Variants in STRN3 observed in about 807,000 individuals in gnomAD.
STRN3 encodes the protein striatin-3.
STRN3 carries 29 observed loss-of-function variants against 95.6 expected under a neutral mutation model. The ratio of observed to expected loss-of-function variants is 0.30; its 90% CI spans 0.23 to 0.41. STRN3 has a LOEUF of 0.41. Among genes scored for constraint, STRN3 ranks in the 10% least tolerant of loss-of-function variants. The pLI is 1.00. For missense variants in STRN3, 890 were observed against 972.1 expected (o/e 0.92, Z 1.12); for synonymous variants, 331 against 357.6 (o/e 0.93, Z 0.84).
At chr14:31,020,196 C>A (rs1883438697) in intron 1 of STRN3, among the ~76,000 whole-genome samples, 3 of 152,118 alleles carry the variant, frequency 2.0e-5, no homozygotes, top group Admixed American at 1.3e-4. Context: ...ATAATGTCAA[C>A]CATATAGAAA....
At position 30,894,896 on chromosome 14, in the gene STRN3, T is replaced by C; in HGVS notation, c.*515A>G. 1 of 1,008,284 alleles carries C rather than the reference T, an allele frequency of 9.9e-7. No individual in the cohort carries two copies. Among genetic ancestry groups the C allele is most frequent in the Non-Finnish European group, 1.3e-6 (1 of 780,302 alleles). The allele number at this position is 1,008,284 out of a possible 1,614,324, so 62.5% of individuals were successfully genotyped here. A position where few individuals can be genotyped will look rare whatever the true frequency, so the allele number is the denominator to read the frequency against. On this transcript the variant is annotated 3_prime_UTR_variant, in exon 18 of 18. Coordinates refer to ENST00000357479, the MANE Select transcript of STRN3 (RefSeq NM_001083893.2). ...TTTTAAGTTAAATTTTCTTTTTCTT[T>C]TTTTTTTTTTTTAAAGCAAAATAAG...
chr14:30,963,317 C>T (rs1880306357), intron 1 of STRN3, among the ~76,000 whole-genome samples: 1 of 152,200 alleles, frequency 6.6e-6, no homozygotes, highest in South Asian at 2.1e-4. Flanking sequence ...ATATGCAGAA[C>T]ACTTTACCCA....
rs145730834 is a variant in STRN3 at position 30,968,889 on chromosome 14, G to A, written c.283-12647C>T. ...TGTAAGGAAAGTAAAATATACTTCT[G>A]GTAAAAAGACTATAAGGAGGCATAA... On this transcript the variant is annotated intron_variant, in intron 1 of 17. Coordinates refer to ENST00000357479, the MANE Select transcript of STRN3 (RefSeq NM_001083893.2). Among the ~76,000 whole-genome samples, 1,440 of 151,992 alleles carry A rather than the reference G, an allele frequency of 9.5e-3. 27 individuals carry two copies. Among genetic ancestry groups the A allele is most frequent in the African/African-American group, 0.031 (1,302 of 41,434 alleles).
At chr14:30,970,805 C>T (rs993732839) in intron 1 of STRN3, among the ~76,000 whole-genome samples, 3 of 152,208 alleles carry the variant, frequency 2.0e-5, no homozygotes, top group African/African-American at 7.2e-5. Flanking sequence ...TGGAATGGAT[C>T]AAATATTCCA....
intron 6 of STRN3, 49 bp from the exon 7 acceptor site, chr14:30,935,353 G>C (rs1011233220): frequency 3.8e-6 from 6 of 1,581,926 alleles, no homozygotes; most frequent in Non-Finnish European, 5.2e-6. Context: ...AAATGGAAAA[G>C]GGATGCTTTA....
chr14:30,976,265 T>A (rs908112739), intron 1 of STRN3, among the ~76,000 whole-genome samples: 1 of 152,206 alleles, frequency 6.6e-6, no homozygotes. Context: ...TGGGAATAGT[T>A]ACATTAAGTT....
intron 1 of STRN3, among the ~76,000 whole-genome samples, chr14:31,005,555 C>T (rs1882675545): frequency 6.6e-6 from 1 of 152,164 alleles, no homozygotes; most frequent in Non-Finnish European, 1.5e-5. Context: ...TTTCCTTTGG[C>T]ATAGTGAATT....
At chr14:30,956,049 C>CA (rs1489194320) in intron 2 of STRN3, 90 bp downstream of exon 2, 26 of 1,118,274 alleles carry the variant, frequency 2.3e-5, no homozygotes, top group African/African-American at 1.2e-4. Context: ...TTGTACCTTT[C>CA]AAAAAAAGCT....
rs573095076 is a variant in STRN3 at position 31,026,349 on chromosome 14, G to C, written c.-164C>G. Reference sequence around the variant, plus strand: ...CCGTGGGTCAGAGCAGGGAGCTGCCGGCTGCCGCCATTACAATCCCTCCTC... The same window carrying C: ...CCGTGGGTCAGAGCAGGGAGCTGCCCGCTGCCGCCATTACAATCCCTCCTC... On this transcript the variant is annotated 5_prime_UTR_variant, in exon 1 of 18. Transcript: ENST00000357479. The C allele has an allele frequency of 5.5e-5, 35 of 633,624 alleles. 1 individual carries two copies. In the South Asian group the frequency reaches 1.3e-3, roughly 23 times the overall value. The allele number at this position is 633,624 out of a possible 1,614,324, so 39.3% of individuals were successfully genotyped here.
At chr14:30,946,283 C>T (rs1454052050) in intron 5 of STRN3, among the ~76,000 whole-genome samples, 1 of 152,162 alleles carries the variant, frequency 6.6e-6, no homozygotes, top group Non-Finnish European at 1.5e-5. Context: ...TGGCTCATGC[C>T]TGTAATCCCA....
At chr14:31,024,352 T>A (rs112518505) in intron 1 of STRN3, among the ~76,000 whole-genome samples, 61 of 152,340 alleles carry the variant, frequency 4.0e-4, no homozygotes, top group African/African-American at 1.4e-3. Context: ...CACAGAAAAT[T>A]AAGTTTGCAG....
At chr14:30,920,372 A>G (rs1319189201) in intron 8 of STRN3, among the ~76,000 whole-genome samples, 1 of 152,152 alleles carries the variant, frequency 6.6e-6, no homozygotes, top group African/African-American at 2.4e-5. Flanking sequence ...AAATGACTGT[A>G]AACAAATTCT....
chr14:31,015,114 C>T (rs1045158234), intron 1 of STRN3, among the ~76,000 whole-genome samples: 6 of 152,092 alleles, frequency 3.9e-5, no homozygotes, highest in Non-Finnish European at 8.8e-5. Context: ...CAAGCGTGAG[C>T]GCCACCGCGT....
At chr14:30,911,308 T>C in intron 12 of STRN3, 146 bp from the exon 13 acceptor site, 1 of 953,242 alleles carries the variant, frequency 1.0e-6, no homozygotes, top group South Asian at 1.8e-5. Flanking sequence ...TTTTTTTTTT[T>C]TTTTTTTTGG....
intron 1 of STRN3, among the ~76,000 whole-genome samples, chr14:30,981,304 A>G (rs1306593649): frequency 6.6e-6 from 1 of 151,946 alleles, no homozygotes; most frequent in Non-Finnish European, 1.5e-5. Context: ...ACAGAACAAG[A>G]CCCCATCTCT....
At chr14:30,956,379 G>A (rs1879905246) in intron 1 of STRN3, 137 bp from the exon 2 acceptor site, 4 of 785,560 alleles carry the variant, frequency 5.1e-6, no homozygotes, top group Non-Finnish European at 8.1e-6. Flanking sequence ...AACGGGCCAG[G>A]CAATGGCTCA....
rs574541104 is a variant in STRN3, at chr14:30,936,739, A to T, written c.717-115T>A. On this transcript the variant is annotated intron_variant, in intron 5 of 17. Coordinates refer to ENST00000357479, the MANE Select transcript of STRN3 (RefSeq NM_001083893.2). ...ACTAGAGAGATTCGAATGACTACCT[A>T]CTGTCTGAGGGCTTTATTCAAGAAA... The T allele has an allele frequency of 1.0e-5, 13 of 1,241,280 alleles. No individual in the cohort carries two copies. In the African/African-American group the frequency reaches 1.4e-4, roughly 13 times the overall value. 76.9% of individuals were successfully genotyped at this position (1,241,280 alleles called of 1,614,324 possible).
At chr14:30,977,614 T>C (rs900629835) in intron 1 of STRN3, among the ~76,000 whole-genome samples, 1 of 148,282 alleles carries the variant, frequency 6.7e-6, no homozygotes, top group Non-Finnish European at 1.5e-5. Context: ...TGAAACCCCA[T>C]CTCTACTAAA....
At chr14:30,930,638 C>T (rs548685985) in intron 7 of STRN3, among the ~76,000 whole-genome samples, 1 of 152,188 alleles carries the variant, frequency 6.6e-6, no homozygotes, top group Admixed American at 6.5e-5. Flanking sequence ...CTAAAACTTA[C>T]ACCTAAGATT....
Sources: gnomAD v4.1 joint callset for allele counts (sites outside exome capture counted in the v4.1 genomes callset) on GRCh38, gnomAD v4.1.1 for gene constraint, MANE v1.5 for transcripts, NCBI Gene and HGNC (gene_info 2026-07-23, HGNC 2026-07-21) for gene names.